Variants in FNIP1 observed in about 807,000 individuals in gnomAD.
FNIP1 encodes folliculin interacting protein 1.
In FNIP1, 40 loss-of-function variants were observed where a neutral mutation model predicts 124.5. That is an observed-to-expected ratio of 0.32 (90% confidence interval 0.25 to 0.42). The LOEUF (loss-of-function observed/expected upper bound fraction) is 0.42. Ranked by LOEUF, FNIP1 falls within the 10% of genes least tolerant of loss-of-function variation. The pLI is 1.00. For synonymous variants in FNIP1, 472 were observed against 470.6 expected (o/e 1.00, Z -0.04); for missense variants, 1,176 against 1,403.7 (o/e 0.84, Z 2.59).
chr5:131,713,702 T>C (rs573218133), intron 6 of FNIP1, among the ~76,000 whole-genome samples: 3 of 152,316 alleles, frequency 2.0e-5, no homozygotes, highest in African/African-American at 7.2e-5. Context: ...AGCACCAATA[T>C]ACATGCAATT....
intron 1 of FNIP1, among the ~76,000 whole-genome samples, chr5:131,768,752 T>C (rs1771527821): frequency 6.6e-6 from 1 of 152,128 alleles, no homozygotes; most frequent in Non-Finnish European, 1.5e-5. Flanking sequence ...TGAGCCAAAA[T>C]TGTGCCACTG....
intron 12 of FNIP1, among the ~76,000 whole-genome samples, chr5:131,678,436 C>G (rs1273470571): frequency 6.6e-6 from 1 of 152,114 alleles, no homozygotes; most frequent in African/African-American, 2.4e-5. Context: ...GAGACGGAGT[C>G]TTGCTTTGTC....
At chr5:131,716,386 G>A (rs537851216) in intron 6 of FNIP1, among the ~76,000 whole-genome samples, 179 bp downstream of exon 6, 3 of 152,224 alleles carry the variant, frequency 2.0e-5, no homozygotes, top group East Asian at 3.9e-4. Context: ...TCAAATATAT[G>A]AAAAATATGT....
intron 13 of FNIP1, among the ~76,000 whole-genome samples, chr5:131,675,259 T>A (rs1767876862): frequency 6.6e-6 from 1 of 152,204 alleles, no homozygotes; most frequent in African/African-American, 2.4e-5. Context: ...AAAAGTAGGC[T>A]CCCCTGTTGA....
At chr5:131,660,937 T>C (rs1011357200) in intron 15 of FNIP1, among the ~76,000 whole-genome samples, 3 of 152,124 alleles carry the variant, frequency 2.0e-5, no homozygotes, top group African/African-American at 7.2e-5. Context: ...AGTAGAGAAA[T>C]TGTTCCTGTA....
At chr5:131,710,435 A>G (rs911331119) in intron 7 of FNIP1, 143 bp downstream of exon 7, 24 of 563,116 alleles carry the variant, frequency 4.3e-5, no homozygotes, top group Non-Finnish European at 6.7e-5. Flanking sequence ...AAAGGAATTA[A>G]GTTTTTATAC....
chr5:131,720,227 G>T (rs1352095020), intron 3 of FNIP1, among the ~76,000 whole-genome samples: 3 of 152,154 alleles, frequency 2.0e-5, no homozygotes, highest in African/African-American at 2.4e-5. Context: ...TTCAAGAAGG[G>T]TGCTAAGAAT....
At chr5:131,715,514 A>C (rs150431383) in intron 6 of FNIP1, among the ~76,000 whole-genome samples, 1 of 152,252 alleles carries the variant, frequency 6.6e-6, no homozygotes, top group East Asian at 1.9e-4. Context: ...AAAAAAACCC[A>C]TAATTACTTT....
intron 1 of FNIP1, among the ~76,000 whole-genome samples, chr5:131,789,300 AAATT>A (rs1237146658): frequency 1.3e-5 from 2 of 152,156 alleles, no homozygotes; most frequent in East Asian, 1.9e-4. Context: ...TATTTAAAAT[AAATT>A]AAGTAAAATA....
At chr5:131,664,866 T>C (rs1458700795) in intron 15 of FNIP1, among the ~76,000 whole-genome samples, 1 of 150,638 alleles carries the variant, frequency 6.6e-6, no homozygotes, top group Non-Finnish European at 1.5e-5. Context: ...CATGCATATA[T>C]TTTATATATA....
In FNIP1 at chr5:131,693,317, C is replaced by CATATATATATATATAT. The variant is rs1561658252; in HGVS notation, c.1202+5599_1202+5600insATATATATATATATAT. 7.5e-4 allele frequency among the ~76,000 whole-genome samples: 31 copies of CATATATATATATATAT among 41,590 alleles called. 2 individuals carry two copies. The East Asian group carries it at 0.01, about 14-fold the overall frequency. 27.3% of individuals were successfully genotyped at this position (41,590 alleles called of 152,430 possible). On this transcript the variant is annotated intron_variant, in intron 11 of 17. Transcript: ENST00000510461. ...ATATACATATATATATATATATATA[C>CATATATATATATATAT]ACATATATATATATACATATATATA... is the stretch of plus-strand genomic sequence containing the variant.
At chr5:131,666,825 T>C (rs1767617073) in intron 15 of FNIP1, among the ~76,000 whole-genome samples, 1 of 152,042 alleles carries the variant, frequency 6.6e-6, no homozygotes, top group Admixed American at 6.6e-5. Flanking sequence ...GACAGCAATG[T>C]TTTCCAACGC....
At chr5:131,707,873 G>A (rs1396434130) in intron 8 of FNIP1, among the ~76,000 whole-genome samples, 1 of 152,092 alleles carries the variant, frequency 6.6e-6, no homozygotes, top group Non-Finnish European at 1.5e-5. Flanking sequence ...AAGAATGTAA[G>A]TATAAATAAA....
At chr5:131,646,208 C>T (rs1458573989) in intron 17 of FNIP1, among the ~76,000 whole-genome samples, 2 of 152,146 alleles carry the variant, frequency 1.3e-5, no homozygotes, top group Non-Finnish European at 2.9e-5. Flanking sequence ...TGTGGTACTA[C>T]AGAATATAAA....
intron 15 of FNIP1, among the ~76,000 whole-genome samples, chr5:131,656,975 C>T (rs1278656994): frequency 6.6e-6 from 1 of 150,720 alleles, no homozygotes; most frequent in Non-Finnish European, 1.5e-5. Flanking sequence ...AACAAGAAAG[C>T]CTGAAAAACA....
At chr5:131,675,988 G>A (rs1482605906) in intron 13 of FNIP1, among the ~76,000 whole-genome samples, 1 of 151,132 alleles carries the variant, frequency 6.6e-6, no homozygotes, top group East Asian at 1.9e-4. Flanking sequence ...CCTCCTAAGT[G>A]GCTGGGATTA....
intron 2 of FNIP1, among the ~76,000 whole-genome samples, chr5:131,737,159 C>T (rs187099813): frequency 1.7e-4 from 26 of 152,282 alleles, no homozygotes; most frequent in African/African-American, 6.0e-4. Context: ...ACAATTCCTG[C>T]TTATAGAAGT....
chr5:131,793,192 T>C (rs567956541), intron 1 of FNIP1, among the ~76,000 whole-genome samples: 1 of 152,168 alleles, frequency 6.6e-6, no homozygotes, highest in African/African-American at 2.4e-5. Flanking sequence ...CTGCCACACA[T>C]GGCTAATTTT....
At chr5:131,761,073 T>A (rs1441101721) in intron 1 of FNIP1, among the ~76,000 whole-genome samples, 1 of 152,238 alleles carries the variant, frequency 6.6e-6, no homozygotes. Context: ...TAAAGTTTTC[T>A]GAGTTTTTAA....
Sources: allele counts gnomAD v4.1 joint callset (sites outside exome capture counted in the v4.1 genomes callset), GRCh38; gene constraint gnomAD v4.1.1; transcripts MANE v1.5; gene names NCBI Gene and HGNC (gene_info 2026-07-23, HGNC 2026-07-21).